Variants in NDRG2 observed in about 807,000 individuals in gnomAD.
NDRG2 encodes the protein protein NDRG2.
NDRG2 carries 34 observed loss-of-function variants against 58.2 expected under a neutral mutation model. That is an observed-to-expected ratio of 0.58 (90% CI 0.44 to 0.78). The LOEUF (loss-of-function observed/expected upper bound fraction) is 0.78, where lower values mean the gene tolerates loss of function less well. NDRG2 is among the 30% of genes least tolerant of loss of function. NDRG2 has a pLI of 0.00. For missense variants in NDRG2, 434 were observed against 471.2 expected (o/e 0.92, Z 0.73); for synonymous variants, 187 against 175.9 (o/e 1.06, Z -0.50).
In NDRG2 at chr14:21,024,332, T is replaced by G. The variant is rs994185757; in HGVS notation, c.-309A>C. 2 of 975,276 alleles carry G rather than the reference T, an allele frequency of 2.1e-6. No individual in the cohort carries two copies. The highest frequency in any genetic ancestry group is 6.2e-5 in the Admixed American group (1 of 16,236). The allele number at this position is 975,276 out of a possible 1,614,324, so 60.4% of individuals were successfully genotyped here. A position where few individuals can be genotyped will look rare whatever the true frequency, so the allele number is the denominator to read the frequency against. ...AGGCTGCGCGGAGGAGAGAAGGAAGTGCTGATGTGGAGGTAAGAGGGTGGC... is the reference window on the plus strand; with the variant it reads ...AGGCTGCGCGGAGGAGAGAAGGAAGGGCTGATGTGGAGGTAAGAGGGTGGC... On this transcript the variant is annotated 5_prime_UTR_variant, in exon 1 of 16. Transcript: ENST00000556147.
In NDRG2 at chr14:21,024,285, T is replaced by G; in HGVS notation, c.-262A>C. 1 of 985,382 alleles carries G rather than the reference T, an allele frequency of 1.0e-6. No homozygotes were observed. The highest frequency in any genetic ancestry group is 4.7e-5 in the South Asian group (1 of 21,276). The allele number at this position is 985,382 out of a possible 1,614,324, so 61.0% of individuals were successfully genotyped here. A position where few individuals can be genotyped will look rare whatever the true frequency, so the allele number is the denominator to read the frequency against. ...CTCTAGGCTCGAGCCGGAATCAATA[T>G]AGGCTACAAGGGCATCAGTTCAGGC... On this transcript the variant is annotated 5_prime_UTR_variant, in exon 1 of 16. Transcript: ENST00000556147.
intron 1 of NDRG2, chr14:21,032,657 T>C (rs1470242055): frequency 2.9e-6 from 1 of 342,374 alleles, no homozygotes; most frequent in Non-Finnish European, 5.6e-6. Context: ...AACTAAGTTT[T>C]ACCCCACATC....
chr14:21,021,379 C>T (rs1880197396), intron 6 of NDRG2: 1 of 327,416 alleles, frequency 3.1e-6, no homozygotes, highest in Non-Finnish European at 6.0e-6. Flanking sequence ...CCTCTGAATA[C>T]CAAAGACACT....
intron 1 of NDRG2, among the ~76,000 whole-genome samples, chr14:21,052,419 T>A (rs1421408486): frequency 6.6e-6 from 1 of 152,140 alleles, no homozygotes; most frequent in Non-Finnish European, 1.5e-5. Flanking sequence ...TACGGCAAGG[T>A]TCGTAAATGT....
chr14:21,063,508 G>A (rs972779781), intron 1 of NDRG2, among the ~76,000 whole-genome samples: 4 of 152,190 alleles, frequency 2.6e-5, no homozygotes, highest in Non-Finnish European at 5.9e-5. Context: ...AACATGGGCA[G>A]AGACCTGGAG....
At chr14:21,048,926 G>A (rs1885335237) in intron 1 of NDRG2, among the ~76,000 whole-genome samples, 1 of 152,218 alleles carries the variant, frequency 6.6e-6, no homozygotes, top group African/African-American at 2.4e-5. Flanking sequence ...AGTTTCTGTA[G>A]ATAAGGTTAT....
chr14:21,035,778 T>G, intron 1 of NDRG2: 1 of 456,296 alleles, frequency 2.2e-6, no homozygotes, highest in Non-Finnish European at 4.4e-6. Flanking sequence ...TTTCTCTTCC[T>G]GTTTTGTCAA....
intron 2 of NDRG2, 37 bp from the exon 3 acceptor site, chr14:21,022,942 G>C (rs186042025): frequency 6.2e-7 from 1 of 1,613,014 alleles, no homozygotes; most frequent in Non-Finnish European, 8.5e-7. Context: ...AGAAACACAT[G>C]ACCATGTGGC....
In NDRG2 at chr14:21,024,640, G is replaced by A; in HGVS notation, c.-617C>T. ...CACGAGTGGAGAAAGGGAGAGGAGA[G>A]CGGTCCCACAATCTTCTCCCGTTCT... On this transcript the variant is annotated 5_prime_UTR_variant, in exon 1 of 16. Transcript: ENST00000556147. 4.1e-6 allele frequency: 4 copies of A among 985,418 alleles called. No homozygotes were observed. The highest frequency in any genetic ancestry group is 2.4e-6 in the Non-Finnish European group (2 of 829,952). 61.0% of individuals were successfully genotyped at this position (985,418 alleles called of 1,614,324 possible).
chr14:21,036,729 C>T lies in NDRG2; in HGVS notation c.25-13408G>A, dbSNP rs369837512. Among the ~76,000 whole-genome samples the T allele has an allele frequency of 1.7e-4, 26 of 152,308 alleles. 1 individual carries two copies. The highest frequency in any genetic ancestry group is 4.8e-4 in the African/African-American group (20 of 41,562). On this transcript the variant is annotated intron_variant, in intron 1 of 14. Transcript: ENST00000403829. Reference sequence around the variant, plus strand: ...GGAACCCTGCTGCTGCACCGTTCCTCGCCCCCATCTATTCCATGGTGCTAG... The same window carrying T: ...GGAACCCTGCTGCTGCACCGTTCCTTGCCCCCATCTATTCCATGGTGCTAG...
intron 1 of NDRG2, among the ~76,000 whole-genome samples, chr14:21,036,483 G>C (rs185551982): frequency 3.3e-4 from 51 of 152,262 alleles, no homozygotes; most frequent in African/African-American, 1.2e-3. Context: ...TTACGAATTT[G>C]TGTTGGGCTG....
chr14:21,067,302 A>G (rs1886319367), intron 1 of NDRG2, among the ~76,000 whole-genome samples: 1 of 151,486 alleles, frequency 6.6e-6, no homozygotes, highest in South Asian at 2.1e-4. Context: ...TCTCTGACCC[A>G]CGGGGACATA....
chr14:21,061,037 ACCT>A (rs1288442254), intron 1 of NDRG2, among the ~76,000 whole-genome samples: 9 of 152,218 alleles, frequency 5.9e-5, no homozygotes, highest in African/African-American at 2.2e-4. Flanking sequence ...CAGATTCACT[ACCT>A]TGTTGAGAGG....
rs759770755 is a variant in NDRG2, at chr14:21,019,920, C to G, written c.612G>C (p.Gln204His). Residue 204 changes from glutamine (Q) to histidine (H), a missense_variant and splice_region_variant, in exon 9 of 16, where the codon CAG (glutamine) becomes CAC (histidine). Transcript: ENST00000556147. ...PEMILGHLFS[Q>H]EELSGNSELI... ...TTCTACATCTCCTACACCCACTTAC[C>G]TGGCTGAAAAGATGTCCAAGGATCA... 2 of 1,614,118 alleles carry G rather than the reference C, an allele frequency of 1.2e-6. No homozygotes were observed. Among genetic ancestry groups the G allele is most frequent in the Admixed American group, 3.3e-5 (2 of 60,022 alleles).
At position 21,070,360 on chromosome 14, in the gene NDRG2, G is replaced by T; in HGVS notation, c.24+468C>A. ...GGCGGTGGCGCGCCCGGCCCCGCCC[G>T]CCCGACCAAGCGTCGGACGCGGCCC... On this transcript the variant is annotated intron_variant, in intron 1 of 14. Coordinates refer to the NDRG2 transcript ENST00000403829. The surrounding 1 kb of genome is among the most constrained non-coding windows in gnomAD (Gnocchi z 4.7). The T allele has an allele frequency of 2.1e-6, 3 of 1,405,442 alleles. No individual in the cohort carries two copies. The highest frequency in any genetic ancestry group is 1.5e-5 in the South Asian group (1 of 65,646). The allele number at this position is 1,405,442 out of a possible 1,614,324, so 87.1% of individuals were successfully genotyped here.
chr14:21,061,802 A>G (rs991759465), intron 1 of NDRG2, among the ~76,000 whole-genome samples: 1 of 152,224 alleles, frequency 6.6e-6, no homozygotes, highest in African/African-American at 2.4e-5. Flanking sequence ...CATGGTTTGA[A>G]ATGAAACTTT....
intron 1 of NDRG2, among the ~76,000 whole-genome samples, chr14:21,052,429 T>C (rs1032666017): frequency 5.3e-5 from 8 of 152,242 alleles, no homozygotes; most frequent in African/African-American, 1.9e-4. Context: ...TTCGTAAATG[T>C]GATCCTGAGC....
chr14:21,043,256 A>G, intron 1 of NDRG2: 1 of 1,614,148 alleles, frequency 6.2e-7, no homozygotes. Context: ...CCCCCAAAAT[A>G]GCCTGCAAGA....
chr14:21,034,122 A>C, intron 1 of NDRG2: 1 of 1,614,242 alleles, frequency 6.2e-7, no homozygotes, highest in Non-Finnish European at 8.5e-7. Flanking sequence ...CATATAGGAC[A>C]TCAGACCATT....
Sources: allele counts gnomAD v4.1 joint callset (sites outside exome capture counted in the v4.1 genomes callset), GRCh38; gene constraint gnomAD v4.1.1; non-coding constraint Gnocchi (gnomAD v3.1); transcripts MANE v1.5; gene names NCBI Gene and HGNC (gene_info 2026-07-23, HGNC 2026-07-21).